The following TERB1 variants were observed in gnomAD, a reference collection of about 807,000 sequenced individuals.
TERB1 encodes the protein telomere repeats-binding bouquet formation protein 1.
Under a neutral mutation model 92.3 loss-of-function variants are expected in TERB1, and 63 were observed. The observed-to-expected ratio is 0.68, with a 90% CI of 0.56 to 0.84. The LOEUF (loss-of-function observed/expected upper bound fraction) is 0.84, where lower values mean the gene tolerates loss of function less well. Among genes scored for constraint, TERB1 ranks in the 40% least tolerant of loss-of-function variants. The probability of loss-of-function intolerance (pLI) is 0.00; values close to 1 mark genes in which losing one functional copy is unlikely to be tolerated. For missense variants in TERB1, 709 were observed against 843.7 expected (o/e 0.84, Z 1.98); for synonymous variants, 252 against 283.9 (o/e 0.89, Z 1.13).
rs898191962 is a variant in TERB1 at position 66,776,423 on chromosome 16, T to C, written c.985+780A>G. 3.9e-5 allele frequency among the ~76,000 whole-genome samples: 6 copies of C among 151,978 alleles called. No individual in the cohort carries two copies. In the South Asian group the frequency reaches 1.0e-3, roughly 26 times the overall value. ...TCAGAAACGCAGCCACAGAGTAGTA[T>C]CATAACTCATAAGAGTCAACAAACT... On this transcript the variant is annotated intron_variant, in intron 11 of 18. Coordinates refer to ENST00000433154, the MANE Select transcript of TERB1 (RefSeq NM_001136505.2).
intron 13 of TERB1, 32 bp downstream of exon 13, chr16:66,772,557 A>C (rs1388863706): frequency 1.3e-6 from 2 of 1,508,818 alleles, no homozygotes. Flanking sequence ...ATTTGAAAAA[A>C]GTTCTATATT....
chr16:66,788,437 C>A (rs562580614), intron 5 of TERB1, 140 bp from the exon 6 acceptor site: 3 of 629,334 alleles, frequency 4.8e-6, no homozygotes, highest in African/African-American at 3.9e-5. Flanking sequence ...AGTCATACAA[C>A]AAAATTTCTG....
intron 2 of TERB1, among the ~76,000 whole-genome samples, chr16:66,797,234 C>CTT (rs570658663): frequency 3.6e-5 from 5 of 137,868 alleles, no homozygotes; most frequent in Admixed American, 7.3e-5. Context: ...CATTTCCTTC[C>CTT]TTTTTTTTTT....
intron 16 of TERB1, among the ~76,000 whole-genome samples, chr16:66,762,164 C>T (rs2018263111): frequency 6.6e-6 from 1 of 152,204 alleles, no homozygotes; most frequent in African/African-American, 2.4e-5. Flanking sequence ...TTGTTTTTAA[C>T]ATTTTATTAT....
chr16:66,798,836 A>T (rs1001519013), intron 2 of TERB1, among the ~76,000 whole-genome samples: 31 of 152,194 alleles, frequency 2.0e-4, no homozygotes, highest in African/African-American at 7.5e-4. Flanking sequence ...TGTTCTTTAC[A>T]CCTTATGAAT....
At chr16:66,795,549 A>G (rs2018914996) in intron 3 of TERB1, among the ~76,000 whole-genome samples, 1 of 152,154 alleles carries the variant, frequency 6.6e-6, no homozygotes, top group Non-Finnish European at 1.5e-5. Context: ...AGCAATCTAA[A>G]GACTTAAAAT....
At chr16:66,786,991 G>A (rs935678688) in intron 6 of TERB1, among the ~76,000 whole-genome samples, 6 of 152,162 alleles carry the variant, frequency 3.9e-5, no homozygotes, top group African/African-American at 1.4e-4. Context: ...AGAGTCTGCT[G>A]GTACTGAATA....
At chr16:66,773,783 T>C (rs2145140584) in intron 12 of TERB1, among the ~76,000 whole-genome samples, 1 of 152,358 alleles carries the variant, frequency 6.6e-6, no homozygotes, top group African/African-American at 2.4e-5. Context: ...ATTTCTGTAG[T>C]TAAAACTAAG....
At chr16:66,789,753 C>T (rs56350441) in intron 5 of TERB1, among the ~76,000 whole-genome samples, 16,443 of 147,922 alleles carry the variant, frequency 0.11, 1,754 homozygotes, top group African/African-American at 0.28. Context: ...GTCTGTCACC[C>T]AGGTTAGAGT....
chr16:66,756,817 C>A (rs2018146208), intron 18 of TERB1, among the ~76,000 whole-genome samples: 1 of 152,208 alleles, frequency 6.6e-6, no homozygotes, highest in African/African-American at 2.4e-5. Context: ...CAGCTCTCTA[C>A]ACCCCAAGCT....
intron 10 of TERB1, among the ~76,000 whole-genome samples, chr16:66,778,202 C>A (rs533547318): frequency 1.3e-5 from 2 of 152,128 alleles, no homozygotes; most frequent in Non-Finnish European, 2.9e-5. Flanking sequence ...GTATTCTTTA[C>A]ATAAATTGGG....
At chr16:66,793,068 CA>C (rs532696250) in intron 3 of TERB1, among the ~76,000 whole-genome samples, 4 of 149,452 alleles carry the variant, frequency 2.7e-5, no homozygotes, top group Admixed American at 2.0e-4. Flanking sequence ...GACTCTGTCT[CA>C]AAAAAACAAA....
At chr16:66,775,372 T>C (rs2018528693) in intron 11 of TERB1, 129 bp from the exon 12 acceptor site, 1 of 769,770 alleles carries the variant, frequency 1.3e-6, no homozygotes. Flanking sequence ...GGTGGCTCAC[T>C]CTTGTAATCC....
chr16:66,792,644 C>T (rs2018855350), intron 3 of TERB1, among the ~76,000 whole-genome samples: 1 of 152,176 alleles, frequency 6.6e-6, no homozygotes, highest in Non-Finnish European at 1.5e-5. Flanking sequence ...AGAAAAGCAT[C>T]ATTAGTTGAT....
intron 13 of TERB1, among the ~76,000 whole-genome samples, chr16:66,771,662 C>T (rs998156223): frequency 6.6e-6 from 1 of 151,366 alleles, no homozygotes; most frequent in Admixed American, 6.6e-5. Context: ...CACACACACA[C>T]ACACACACAC....
At chr16:66,782,874 G>A (rs1015017655) in intron 9 of TERB1, among the ~76,000 whole-genome samples, 1 of 152,098 alleles carries the variant, frequency 6.6e-6, no homozygotes, top group Non-Finnish European at 1.5e-5. Flanking sequence ...GTGTGTGTGT[G>A]GCTGGGGCGG....
intron 3 of TERB1, among the ~76,000 whole-genome samples, chr16:66,793,546 C>G (rs539347445): frequency 6.6e-6 from 1 of 151,162 alleles, no homozygotes; most frequent in Admixed American, 6.6e-5. Context: ...GAGTCTCACT[C>G]TGTCACCCAA....
chr16:66,793,264 C>A (rs1401479090), intron 3 of TERB1, among the ~76,000 whole-genome samples: 3 of 133,952 alleles, frequency 2.2e-5, no homozygotes, highest in Non-Finnish European at 3.1e-5. Context: ...CTCACCCAGG[C>A]AGGAGCGCAG....
intron 16 of TERB1, among the ~76,000 whole-genome samples, chr16:66,761,066 C>T (rs915686386): frequency 1.5e-5 from 2 of 136,356 alleles, no homozygotes; most frequent in African/African-American, 5.6e-5. Context: ...GAGCTGAGAT[C>T]GCGACTGCAC....
Sources: allele counts gnomAD v4.1 joint callset (sites outside exome capture counted in the v4.1 genomes callset), GRCh38; gene constraint gnomAD v4.1.1; transcripts MANE v1.5; gene names NCBI Gene and HGNC (gene_info 2026-07-23, HGNC 2026-07-21).